The following WWTR1 variants were observed in gnomAD, a reference collection of about 807,000 sequenced individuals.
The protein encoded by WWTR1 is WW domain containing transcription regulator 1.
Under a neutral mutation model 40.1 loss-of-function variants are expected in WWTR1, and 13 were observed. The ratio of observed to expected loss-of-function variants is 0.32; its 90% CI spans 0.21 to 0.52. WWTR1 has a LOEUF of 0.52. Among genes scored for constraint, WWTR1 ranks in the 20% least tolerant of loss-of-function variants. WWTR1 has a pLI of 0.97. For synonymous variants in WWTR1, 230 were observed against 210.1 expected (o/e 1.09, Z -0.82); for missense variants, 436 against 523.1 (o/e 0.83, Z 1.63).
chr3:149,636,966 G>GAAAAAAAAA (rs397950107), intron 2 of WWTR1, among the ~76,000 whole-genome samples: 4 of 43,312 alleles, frequency 9.2e-5, no homozygotes, highest in Admixed American at 3.8e-4. Context: ...TGTCTCAAGT[G>GAAAAAAAAA]AAAAAAAAAA....
chr3:149,603,557 C>G (rs181215513), intron 2 of WWTR1, among the ~76,000 whole-genome samples: 2 of 149,466 alleles, frequency 1.3e-5, no homozygotes, highest in Admixed American at 6.7e-5. Flanking sequence ...CCCACCCCCC[C>G]CTTGTACTCC....
rs1223360192 is a variant in WWTR1 at position 149,520,405 on chromosome 3, A to G, written c.*400T>C. 6.4e-6 allele frequency: 1 copy of G among 157,086 alleles called. No homozygotes were observed. The highest frequency in any genetic ancestry group is 2.4e-5 in the African/African-American group (1 of 41,666). 9.7% of individuals were successfully genotyped at this position (157,086 alleles called of 1,614,324 possible). On this transcript the variant is annotated 3_prime_UTR_variant, in exon 7 of 7. Transcript: ENST00000360632. ...GTCGAATTTTGTGCACATTTCCTGGACCAAGATGCCCTCAGAAGTAACTGC... is the reference window on the plus strand; with the variant it reads ...GTCGAATTTTGTGCACATTTCCTGGGCCAAGATGCCCTCAGAAGTAACTGC...
At chr3:149,559,293 C>CAAAAAAAAA (rs57470539) in intron 3 of WWTR1, among the ~76,000 whole-genome samples, 55 of 58,048 alleles carry the variant, frequency 9.5e-4, no homozygotes, top group Non-Finnish European at 1.2e-3. Flanking sequence ...GACTCCATCT[C>CAAAAAAAAA]AAAAAAAAAA....
chr3:149,521,676 A>G (rs946454926), intron 6 of WWTR1, among the ~76,000 whole-genome samples: 5 of 152,232 alleles, frequency 3.3e-5, no homozygotes, highest in African/African-American at 1.2e-4. Flanking sequence ...ATAAAACTGA[A>G]GTTCTACAGA....
At chr3:149,649,789 T>C (rs1712746101) in intron 2 of WWTR1, 1 of 152,072 alleles carries the variant, frequency 6.6e-6, no homozygotes, top group African/African-American at 2.4e-5. Flanking sequence ...AGGTGGCAGA[T>C]GCCTATAATC....
intron 2 of WWTR1, among the ~76,000 whole-genome samples, chr3:149,623,899 T>G (rs1015672140): frequency 6.6e-6 from 1 of 152,192 alleles, no homozygotes; most frequent in South Asian, 2.1e-4. Context: ...GTTTTGGCAA[T>G]GTTGTGCTCT....
chr3:149,606,243 G>C (rs1271827352), intron 2 of WWTR1, among the ~76,000 whole-genome samples: 1 of 152,206 alleles, frequency 6.6e-6, no homozygotes, highest in Non-Finnish European at 1.5e-5. Context: ...AGCCTGGACA[G>C]ACTGAGAAAC....
chr3:149,666,402 A>C (rs1349116984), intron 2 of WWTR1, among the ~76,000 whole-genome samples: 1 of 152,148 alleles, frequency 6.6e-6, no homozygotes, highest in Non-Finnish European at 1.5e-5. Context: ...AAAATGGCTA[A>C]ATTTTCTTTA....
At chr3:149,550,135 C>T (rs917193641) in intron 3 of WWTR1, among the ~76,000 whole-genome samples, 1 of 152,120 alleles carries the variant, frequency 6.6e-6, no homozygotes, top group Non-Finnish European at 1.5e-5. Context: ...ATACCAGGAA[C>T]TTTGCTGGCT....
At chr3:149,645,243 C>G (rs1712440538) in intron 2 of WWTR1, among the ~76,000 whole-genome samples, 1 of 152,138 alleles carries the variant, frequency 6.6e-6, no homozygotes, top group Non-Finnish European at 1.5e-5. Flanking sequence ...CCACGCCTGG[C>G]TAATTTTTTG....
intron 3 of WWTR1, among the ~76,000 whole-genome samples, chr3:149,544,364 C>T (rs1411904820): frequency 6.6e-6 from 1 of 152,184 alleles, no homozygotes; most frequent in Non-Finnish European, 1.5e-5. Context: ...TGTCCATACG[C>T]TCACTGAAAT....
In WWTR1 at chr3:149,667,812, A is replaced by G. The variant is rs138423873; in HGVS notation, c.-4+1976T>C. Among the ~76,000 whole-genome samples the G allele has an allele frequency of 1.3e-4, 20 of 152,326 alleles. No individual in the cohort carries two copies. In the East Asian group the frequency reaches 3.9e-3, roughly 29 times the overall value. ...TTTTGTGAATGATTTTAGACAAGAGAAATTTCACAGTTCATTCTGTATATT... is the reference window on the plus strand; with the variant it reads ...TTTTGTGAATGATTTTAGACAAGAGGAATTTCACAGTTCATTCTGTATATT... On this transcript the variant is annotated intron_variant, in intron 2 of 7. Transcript: ENST00000465804.
At chr3:149,701,725 TG>T (rs1339468875) in intron 1 of WWTR1, 3 of 175,464 alleles carry the variant, frequency 1.7e-5, no homozygotes, top group Non-Finnish European at 3.7e-5. Flanking sequence ...CTTTCTTTTT[TG>T]TCTTTTTAAC....
intron 2 of WWTR1, among the ~76,000 whole-genome samples, chr3:149,622,327 C>A (rs1740316315): frequency 6.6e-6 from 1 of 151,734 alleles, no homozygotes; most frequent in Non-Finnish European, 1.5e-5. Flanking sequence ...TATGAATGAC[C>A]AATTGTCAAA....
chr3:149,664,075 T>A (rs1161738079), intron 2 of WWTR1, among the ~76,000 whole-genome samples: 2 of 152,222 alleles, frequency 1.3e-5, no homozygotes, highest in African/African-American at 4.8e-5. Flanking sequence ...GGTTGCTGAC[T>A]TGGTCTGAAT....
At chr3:149,648,630 A>T (rs775151692) in intron 2 of WWTR1, among the ~76,000 whole-genome samples, 1 of 152,172 alleles carries the variant, frequency 6.6e-6, no homozygotes, top group Non-Finnish European at 1.5e-5. Flanking sequence ...GCAGGGAAAT[A>T]ATGTTCCAGG....
At chr3:149,523,706 G>A (rs1208916391) in intron 6 of WWTR1, among the ~76,000 whole-genome samples, 2 of 152,172 alleles carry the variant, frequency 1.3e-5, no homozygotes, top group Non-Finnish European at 2.9e-5. Context: ...CAGCTGGCTC[G>A]TTTCCCTTCA....
intron 3 of WWTR1, among the ~76,000 whole-genome samples, chr3:149,544,666 G>A (rs991290181): frequency 7.2e-5 from 11 of 152,076 alleles, no homozygotes; most frequent in African/African-American, 2.2e-4. Flanking sequence ...CTTGTACCCC[G>A]TCCAACTGTC....
chr3:149,596,837 G>A (rs989015556), intron 2 of WWTR1, among the ~76,000 whole-genome samples: 6 of 152,162 alleles, frequency 3.9e-5, no homozygotes, highest in Non-Finnish European at 5.9e-5. Context: ...AAGACGTCTG[G>A]AATCAGATTG....
Sources: gnomAD v4.1 joint callset for allele counts (sites outside exome capture counted in the v4.1 genomes callset) on GRCh38, gnomAD v4.1.1 for gene constraint, MANE v1.5 for transcripts, NCBI Gene and HGNC (gene_info 2026-07-23, HGNC 2026-07-21) for gene names.